The following ADAM12 variants were observed in gnomAD, a reference collection of about 807,000 sequenced individuals.
ADAM12 encodes ADAM metallopeptidase domain 12.
In ADAM12, 70 loss-of-function variants were observed where a neutral mutation model predicts 106.4. The observed-to-expected ratio is 0.66, with a 90% CI of 0.54 to 0.80. The LOEUF is 0.80. Among genes scored for constraint, ADAM12 ranks in the 30% least tolerant of loss-of-function variants. ADAM12 has a pLI of 0.00. For missense variants in ADAM12, 1,010 were observed against 1,171.9 expected (o/e 0.86, Z 2.02); for synonymous variants, 420 against 433.5 (o/e 0.97, Z 0.39).
rs528346937 is a variant in ADAM12 at position 126,039,206 on chromosome 10, C to T, written c.2240+88G>A. The stretch of plus-strand genomic sequence containing the variant: ...TCGTGATCCGCCCGCCTCAGCCTCC[C>T]AAAGTGCTGGGATTACAGGCTTGAG... On this transcript the variant is annotated intron_variant, in intron 19 of 22. Transcript: ENST00000448723. The T allele has an allele frequency of 7.2e-4, 1,093 of 1,512,516 alleles. 2 individuals carry two copies. Among genetic ancestry groups the T allele is most frequent in the Non-Finnish European group, 9.2e-4 (1,017 of 1,106,490 alleles). 93.7% of individuals were successfully genotyped at this position (1,512,516 alleles called of 1,614,324 possible). A position where few individuals can be genotyped will look rare whatever the true frequency, so the allele number is the denominator to read the frequency against.
rs1274544145 is a variant in ADAM12, at chr10:126,101,157, G to C, written c.826C>G (p.Pro276Ala). The C allele has an allele frequency of 6.2e-7, 1 of 1,614,126 alleles. No individual in the cohort carries two copies. Residue 276 changes from proline to alanine, a missense_variant, in exon 9 of 23, where the codon CCA becomes GCA. Coordinates refer to ENST00000448723, the MANE Select transcript of ADAM12 (RefSeq NM_001288973.2). The part of the protein sequence containing the change: ...DMDKCSVSQD[P>A]FTSLHEFLDW... The stretch of plus-strand genomic sequence containing the variant: ...AGAAATTCATGGAGGCTGGTGAATG[G>C]GTCCTGACTTACAGAGCATTTGTCC...
chr10:126,260,684 T>G (rs918600964), intron 3 of ADAM12, among the ~76,000 whole-genome samples: 1 of 152,138 alleles, frequency 6.6e-6, no homozygotes, highest in Non-Finnish European at 1.5e-5. Flanking sequence ...CCACGGCACT[T>G]AAGAGAAACA....
At chr10:126,042,955 A>T in intron 18 of ADAM12, 85 bp downstream of exon 18, 1 of 1,334,548 alleles carries the variant, frequency 7.5e-7, no homozygotes, top group Non-Finnish European at 1.0e-6. Context: ...TGTTGGCTCT[A>T]CCTGCACCCA....
chr10:126,270,996 C>T (rs1379478288), intron 3 of ADAM12, among the ~76,000 whole-genome samples: 2 of 152,196 alleles, frequency 1.3e-5, no homozygotes, highest in Non-Finnish European at 2.9e-5. Flanking sequence ...CAGCTCATAG[C>T]TGCCAGCCAC....
intron 2 of ADAM12, among the ~76,000 whole-genome samples, chr10:126,320,143 TAGAA>T (rs1854045128): frequency 6.6e-6 from 1 of 152,240 alleles, no homozygotes; most frequent in Non-Finnish European, 1.5e-5. Context: ...GTTCTCTTGT[TAGAA>T]AGAAACTAAA....
intron 1 of ADAM12, among the ~76,000 whole-genome samples, chr10:126,375,067 G>GA (rs1327603735): frequency 2.0e-5 from 3 of 151,850 alleles, no homozygotes; most frequent in Non-Finnish European, 2.9e-5. Flanking sequence ...TCTGCTAAAA[G>GA]AAAAAAATCG....
chr10:126,111,810 CG>C (rs1325126143), intron 6 of ADAM12, among the ~76,000 whole-genome samples: 34 of 152,226 alleles, frequency 2.2e-4, no homozygotes, highest in Middle Eastern at 3.4e-3. Flanking sequence ...GGGGAGTCGC[CG>C]GCTCAGGGCG....
chr10:126,350,920 C>T (rs1012273136), intron 1 of ADAM12, among the ~76,000 whole-genome samples: 3 of 152,292 alleles, frequency 2.0e-5, no homozygotes, highest in South Asian at 2.1e-4. Flanking sequence ...TGCCGACCCC[C>T]GGAGCCCTGC....
intron 8 of ADAM12, among the ~76,000 whole-genome samples, chr10:126,102,614 C>G (rs1380203428): frequency 6.6e-6 from 1 of 152,138 alleles, no homozygotes; most frequent in African/African-American, 2.4e-5. Flanking sequence ...AGAATATGAC[C>G]AGGATACAAA....
At chr10:126,144,765 T>C (rs1020883521) in intron 4 of ADAM12, among the ~76,000 whole-genome samples, 1 of 152,202 alleles carries the variant, frequency 6.6e-6, no homozygotes, top group Admixed American at 6.5e-5. Context: ...AAGGAACATA[T>C]GGTACAGCGT....
chr10:126,268,138 C>T (rs758555206), intron 3 of ADAM12, among the ~76,000 whole-genome samples: 17 of 152,256 alleles, frequency 1.1e-4, no homozygotes, highest in African/African-American at 3.1e-4. Flanking sequence ...CTCCAGGCCC[C>T]GGTAACCACC....
chr10:126,021,553 T>C (rs1253381099), intron 21 of ADAM12, among the ~76,000 whole-genome samples: 1 of 152,190 alleles, frequency 6.6e-6, no homozygotes, highest in Non-Finnish European at 1.5e-5. Context: ...AGGGACAGAC[T>C]TAGAAGTGAT....
intron 4 of ADAM12, among the ~76,000 whole-genome samples, chr10:126,154,619 C>G: frequency 6.6e-6 from 1 of 152,314 alleles, no homozygotes; most frequent in East Asian, 1.9e-4. Flanking sequence ...CCTATTCTCT[C>G]TGAATCCCCA....
At chr10:126,052,883 C>T (rs1954540026) in intron 14 of ADAM12, among the ~76,000 whole-genome samples, 1 of 152,196 alleles carries the variant, frequency 6.6e-6, no homozygotes, top group Non-Finnish European at 1.5e-5. Flanking sequence ...GAATCCAAAG[C>T]TGAAACACAC....
intron 3 of ADAM12, among the ~76,000 whole-genome samples, chr10:126,174,371 T>C (rs1217291677): frequency 6.6e-6 from 1 of 152,046 alleles, no homozygotes. Flanking sequence ...AAATGTCACA[T>C]CCAGGCAGTT....
At chr10:126,141,431 G>A (rs1161076896) in intron 4 of ADAM12, among the ~76,000 whole-genome samples, 1 of 152,092 alleles carries the variant, frequency 6.6e-6, no homozygotes, top group Non-Finnish European at 1.5e-5. Context: ...CAGAAAAAGA[G>A]CCCCAAACAT....
chr10:126,199,295 C>G (rs1456096017), intron 3 of ADAM12, among the ~76,000 whole-genome samples: 1 of 152,178 alleles, frequency 6.6e-6, no homozygotes, highest in African/African-American at 2.4e-5. Context: ...ACTTATCCAC[C>G]TAATCACCAT....
rs1396800779 is a variant in ADAM12, at chr10:126,013,721, T to G, written c.*3558A>C. 4 of 152,310 alleles carry G rather than the reference T, an allele frequency of 2.6e-5. No homozygotes were observed. Among genetic ancestry groups the G allele is most frequent in the African/African-American group, 7.2e-5 (3 of 41,460 alleles). The allele number at this position is 152,310 out of a possible 1,614,324, so 9.4% of individuals were successfully genotyped here. On this transcript the variant is annotated 3_prime_UTR_variant, in exon 23 of 23. Coordinates refer to ENST00000448723, the MANE Select transcript of ADAM12 (RefSeq NM_001288973.2). The surrounding 1 kb of genome is among the most constrained non-coding windows in gnomAD (Gnocchi z 4.3). ...GATAGGGAAAGGTAAACAGATGTAT[T>G]AGCCACTGGCTTTGTGTGGGCAGCT...
chr10:126,041,626 T>G, intron 18 of ADAM12: 1 of 987,044 alleles, frequency 1.0e-6, no homozygotes. Context: ...GGGTCTCTGA[T>G]AAATTAAAAA....
Sources: gnomAD v4.1 joint callset for allele counts (sites outside exome capture counted in the v4.1 genomes callset) on GRCh38, gnomAD v4.1.1 for gene constraint, Gnocchi (gnomAD v3.1) non-coding constraint, MANE v1.5 for transcripts, NCBI Gene and HGNC (gene_info 2026-07-23, HGNC 2026-07-21) for gene names.